PLCXD3: variants seen among roughly 807,000 people sequenced by gnomAD.
PLCXD3 encodes phosphatidylinositol specific phospholipase C X domain containing 3.
PLCXD3 carries 19 observed loss-of-function variants against 25.5 expected under a neutral mutation model. The observed-to-expected ratio is 0.75, with a 90% CI of 0.52 to 1.09. The LOEUF is 1.09. Ranked by LOEUF, PLCXD3 falls within the 50% of genes least tolerant of loss-of-function variation. The pLI is 0.00. For missense variants in PLCXD3, 411 were observed against 388.1 expected, an observed-to-expected ratio of 1.06 and a Z score of -0.50; for synonymous variants, 174 against 137.6, an observed-to-expected ratio of 1.26 and a Z score of -1.85.
intron 1 of PLCXD3, among the ~76,000 whole-genome samples, chr5:41,444,934 C>T (rs1039749349): frequency 1.3e-5 from 2 of 152,046 alleles, no homozygotes; most frequent in Non-Finnish European, 2.9e-5. Flanking sequence ...TACTTTAAAA[C>T]GTAAGGAAGG....
intron 1 of PLCXD3, among the ~76,000 whole-genome samples, chr5:41,467,930 T>C (rs1472607698): frequency 6.6e-6 from 1 of 152,088 alleles, no homozygotes; most frequent in Non-Finnish European, 1.5e-5. Context: ...TCTGTTTTTA[T>C]GCAGGCAACA....
chr5:41,484,649 C>T (rs891278966), intron 1 of PLCXD3, among the ~76,000 whole-genome samples: 1 of 152,128 alleles, frequency 6.6e-6, no homozygotes, highest in African/African-American at 2.4e-5. Context: ...AGCATCTTGA[C>T]TTCAGAAACT....
At chr5:41,505,172 T>C (rs1749028263) in intron 1 of PLCXD3, among the ~76,000 whole-genome samples, 1 of 152,188 alleles carries the variant, frequency 6.6e-6, no homozygotes, top group Non-Finnish European at 1.5e-5. Context: ...CCTTAACGTA[T>C]GAACATTGTG....
chr5:41,446,176 C>CAAAAAAAAAAAAAAAAAAAAA (rs70988847), intron 1 of PLCXD3, among the ~76,000 whole-genome samples: 21 of 38,120 alleles, frequency 5.5e-4, no homozygotes, highest in African/African-American at 7.1e-4. Flanking sequence ...GACTCCTTCT[C>CAAAAAAAAAAAAAAAAAAAAA]AAAAAAAAAA....
intron 1 of PLCXD3, among the ~76,000 whole-genome samples, chr5:41,469,615 C>A (rs917712900): frequency 1.3e-5 from 2 of 151,824 alleles, no homozygotes; most frequent in Admixed American, 1.3e-4. Context: ...ATATCTACTT[C>A]CTCTAGTTAT....
chr5:41,510,146 A>C (rs1438471945), intron 1 of PLCXD3, among the ~76,000 whole-genome samples: 1 of 152,164 alleles, frequency 6.6e-6, no homozygotes, highest in Non-Finnish European at 1.5e-5. Context: ...CCTGGAGCCC[A>C]GCTTCTCCTC....
intron 1 of PLCXD3, among the ~76,000 whole-genome samples, chr5:41,443,103 A>G (rs1747418683): frequency 6.7e-6 from 1 of 148,988 alleles, no homozygotes; most frequent in Non-Finnish European, 1.5e-5. Context: ...TAATATATAT[A>G]ATTATATATG....
At chr5:41,336,156 C>T (rs1045327638) in intron 2 of PLCXD3, among the ~76,000 whole-genome samples, 4 of 152,006 alleles carry the variant, frequency 2.6e-5, no homozygotes, top group East Asian at 1.9e-4. Context: ...TCATCTTCCT[C>T]GTTGTATAAT....
intron 1 of PLCXD3, among the ~76,000 whole-genome samples, chr5:41,498,619 A>G (rs1748890013): frequency 6.6e-6 from 1 of 151,804 alleles, no homozygotes; most frequent in South Asian, 2.1e-4. Context: ...TTCCAAAAAA[A>G]CTGAAGAGAA....
At chr5:41,389,595 A>T (rs575112333) in intron 1 of PLCXD3, among the ~76,000 whole-genome samples, 1 of 152,268 alleles carries the variant, frequency 6.6e-6, no homozygotes, top group East Asian at 1.9e-4. Context: ...CAAAATAGTC[A>T]TGCATATGGG....
chr5:41,415,510 T>C (rs1309213661), intron 1 of PLCXD3, among the ~76,000 whole-genome samples: 1 of 152,236 alleles, frequency 6.6e-6, no homozygotes, highest in African/African-American at 2.4e-5. Flanking sequence ...GTGAAATTTA[T>C]TGACAGATCC....
chr5:41,484,245 GCA>G (rs751404561), intron 1 of PLCXD3, among the ~76,000 whole-genome samples: 4,297 of 124,268 alleles, frequency 0.035, 69 homozygotes, highest in East Asian at 0.052. Flanking sequence ...CCTGGAACAT[GCA>G]CACACACACA....
In PLCXD3 at chr5:41,486,115, T is replaced by C. The variant is rs112464291; in HGVS notation, c.103+24309A>G. On this transcript the variant is annotated intron_variant, in intron 1 of 2. Coordinates refer to ENST00000377801, the MANE Select transcript of PLCXD3 (RefSeq NM_001005473.3). ...GAGTACAATCCAGGGCTGAAGAACT[T>C]AAGCCTAGAGAGAAAAGTCTGGTGA... Among the ~76,000 whole-genome samples, 1,238 of 152,242 alleles carry C rather than the reference T, an allele frequency of 8.1e-3. 13 individuals are homozygous for C. The highest frequency in any genetic ancestry group is 0.028 in the African/African-American group (1,156 of 41,540).
rs888056587 is a variant in PLCXD3 at position 41,367,439 on chromosome 5, C to G, written c.812+14387G>C. On this transcript the variant is annotated intron_variant, in intron 2 of 2. Coordinates refer to ENST00000377801, the MANE Select transcript of PLCXD3 (RefSeq NM_001005473.3). Reference sequence around the variant, plus strand: ...TGTTTGTTGGCCATAATAACGTCTTCTTTTGAGAAGTGTCTGTTCATCATG... The same window carrying G: ...TGTTTGTTGGCCATAATAACGTCTTGTTTTGAGAAGTGTCTGTTCATCATG... Among the ~76,000 whole-genome samples the G allele has an allele frequency of 2.0e-5, 3 of 152,034 alleles. No individual in the cohort carries two copies. The East Asian group carries it at 5.8e-4, about 29-fold the overall frequency.
chr5:41,351,188 A>T (rs1744450045), intron 2 of PLCXD3, among the ~76,000 whole-genome samples: 1 of 152,196 alleles, frequency 6.6e-6, no homozygotes, highest in Admixed American at 6.5e-5. Flanking sequence ...TTAAGAAAAC[A>T]AACAATCAGG....
At chr5:41,440,921 T>C (rs1032451699) in intron 1 of PLCXD3, among the ~76,000 whole-genome samples, 1 of 152,116 alleles carries the variant, frequency 6.6e-6, no homozygotes, top group Non-Finnish European at 1.5e-5. Flanking sequence ...TTTAGAACCA[T>C]GAGATCAGGC....
intron 1 of PLCXD3, among the ~76,000 whole-genome samples, chr5:41,393,973 T>C (rs1415739018): frequency 6.6e-6 from 1 of 151,912 alleles, no homozygotes; most frequent in Non-Finnish European, 1.5e-5. Flanking sequence ...ATAGTAAACA[T>C]GGCAGAAAAA....
intron 2 of PLCXD3, among the ~76,000 whole-genome samples, chr5:41,334,240 A>T (rs946353233): frequency 6.6e-6 from 1 of 151,514 alleles, no homozygotes; most frequent in Admixed American, 6.6e-5. Flanking sequence ...CATTTGTAAG[A>T]TTAGCAATGA....
intron 2 of PLCXD3, among the ~76,000 whole-genome samples, chr5:41,346,823 T>C (rs2150479565): frequency 2.0e-5 from 3 of 152,340 alleles, no homozygotes; most frequent in Middle Eastern, 6.8e-3. Context: ...CTCTTGTGGC[T>C]CATTTATTTT....
Sources: gnomAD v4.1 joint callset for allele counts (sites outside exome capture counted in the v4.1 genomes callset) on GRCh38, gnomAD v4.1.1 for gene constraint, MANE v1.5 for transcripts, NCBI Gene and HGNC (gene_info 2026-07-23, HGNC 2026-07-21) for gene names.